PRKACB: variants seen among roughly 807,000 people sequenced by gnomAD.
PRKACB encodes cAMP-dependent protein kinase catalytic subunit beta.
Under a neutral mutation model 51.4 loss-of-function variants are expected in PRKACB, and 16 were observed. That is an observed-to-expected ratio of 0.31 (90% CI 0.21 to 0.47). PRKACB has a LOEUF of 0.47. PRKACB is among the 20% of genes least tolerant of loss of function. The pLI is 1.00. For synonymous variants in PRKACB, 147 were observed against 154.4 expected, an observed-to-expected ratio of 0.95 and a Z score of 0.35; for missense variants, 309 against 464.5, an observed-to-expected ratio of 0.67 and a Z score of 3.08.
intron 1 of PRKACB, among the ~76,000 whole-genome samples, chr1:84,161,897 AT>A (rs2100701792): frequency 6.6e-6 from 1 of 152,076 alleles, no homozygotes; most frequent in Non-Finnish European, 1.5e-5. Context: ...TTATTTATAT[AT>A]TTACCATTTT....
chr1:84,150,396 TCTGTTACAA>T (rs1484047554), intron 1 of PRKACB, among the ~76,000 whole-genome samples: 1 of 152,198 alleles, frequency 6.6e-6, no homozygotes, highest in Non-Finnish European at 1.5e-5. Context: ...TATACTTCCT[TCTGTTACAA>T]CTACCAGGGT....
At chr1:84,195,059 C>G (rs1211063523) in intron 5 of PRKACB, among the ~76,000 whole-genome samples, 1 of 152,124 alleles carries the variant, frequency 6.6e-6, no homozygotes. Flanking sequence ...TGTAAACGTG[C>G]ATTTTATGTT....
At chr1:84,105,379 T>C (rs1399367201) in intron 1 of PRKACB, among the ~76,000 whole-genome samples, 1 of 152,128 alleles carries the variant, frequency 6.6e-6, no homozygotes, top group African/African-American at 2.4e-5. Flanking sequence ...ACCACGACTT[T>C]TGACCTAGAG....
chr1:84,120,129 T>C (rs973088405), intron 1 of PRKACB, among the ~76,000 whole-genome samples: 7 of 152,102 alleles, frequency 4.6e-5, no homozygotes, highest in African/African-American at 1.7e-4. Context: ...GTTCAAGGGA[T>C]TAATTGTTAC....
At chr1:84,137,582 CA>C (rs1176580409) in intron 1 of PRKACB, among the ~76,000 whole-genome samples, 1 of 152,108 alleles carries the variant, frequency 6.6e-6, no homozygotes, top group African/African-American at 2.4e-5. Flanking sequence ...AACTGTAGTA[CA>C]AATGTATGAA....
chr1:84,086,000 T>C, intron 1 of PRKACB: 1 of 764,966 alleles, frequency 1.3e-6, no homozygotes, highest in South Asian at 1.5e-5. Flanking sequence ...CGCACAGTGG[T>C]GTGGACCCTG....
At chr1:84,159,240 T>C (rs947391536) in intron 1 of PRKACB, among the ~76,000 whole-genome samples, 1 of 152,142 alleles carries the variant, frequency 6.6e-6, no homozygotes, top group Non-Finnish European at 1.5e-5. Flanking sequence ...AGAATTGTTA[T>C]TTTAACAATT....
At chr1:84,229,234 A>G in intron 9 of PRKACB, among the ~76,000 whole-genome samples, 1 of 136,492 alleles carries the variant, frequency 7.3e-6, no homozygotes, top group Admixed American at 7.5e-5. Context: ...TTCCAATTTC[A>G]TCCATGTCCC....
intron 1 of PRKACB, among the ~76,000 whole-genome samples, chr1:84,158,019 G>A (rs1305655758): frequency 6.6e-6 from 1 of 152,012 alleles, no homozygotes; most frequent in South Asian, 2.1e-4. Context: ...TAAGGTAAGA[G>A]GGTTCCAGTT....
At chr1:84,165,866 A>C (rs1486007810) in intron 1 of PRKACB, among the ~76,000 whole-genome samples, 1 of 151,720 alleles carries the variant, frequency 6.6e-6, no homozygotes, top group African/African-American at 2.4e-5. Context: ...TGATTCAGAT[A>C]TTTTTAAGAG....
chr1:84,133,266 C>T (rs1003128665), intron 1 of PRKACB, among the ~76,000 whole-genome samples: 14 of 152,030 alleles, frequency 9.2e-5, no homozygotes, highest in African/African-American at 3.1e-4. Flanking sequence ...ACCAACTGAC[C>T]TATAATTATA....
chr1:84,152,398 C>T (rs1654955639), intron 1 of PRKACB, among the ~76,000 whole-genome samples: 1 of 152,170 alleles, frequency 6.6e-6, no homozygotes, highest in Admixed American at 6.6e-5. Flanking sequence ...GTCAGCCTGT[C>T]CTTTGAAGCT....
intron 1 of PRKACB, among the ~76,000 whole-genome samples, chr1:84,115,067 G>A (rs1401253782): frequency 1.3e-5 from 2 of 152,122 alleles, no homozygotes; most frequent in Non-Finnish European, 2.9e-5. Context: ...TGGGATTGCT[G>A]GATCATATGA....
intron 5 of PRKACB, among the ~76,000 whole-genome samples, chr1:84,196,257 GC>G (rs1668214769): frequency 6.6e-6 from 1 of 152,058 alleles, no homozygotes; most frequent in Non-Finnish European, 1.5e-5. Flanking sequence ...TATAGCAGTG[GC>G]CCCGATAGAC....
At chr1:84,180,637 C>G (rs1407338053) in intron 2 of PRKACB, among the ~76,000 whole-genome samples, 1 of 151,792 alleles carries the variant, frequency 6.6e-6, no homozygotes, top group African/African-American at 2.4e-5. Flanking sequence ...CTGCCTAGCT[C>G]AAAAGTTTTT....
intron 1 of PRKACB, among the ~76,000 whole-genome samples, chr1:84,102,206 TAAA>T (rs879554698): frequency 1.5e-5 from 2 of 134,896 alleles, no homozygotes; most frequent in Non-Finnish European, 1.6e-5. Context: ...CCATCTCTAC[TAAA>T]AAAAAAAAAA....
intron 1 of PRKACB, among the ~76,000 whole-genome samples, chr1:84,157,817 A>T (rs936716297): frequency 7.2e-5 from 11 of 152,172 alleles, no homozygotes; most frequent in African/African-American, 1.7e-4. Flanking sequence ...GCACATGAGA[A>T]TTGGTTTGTT....
intron 1 of PRKACB, among the ~76,000 whole-genome samples, chr1:84,078,720 C>A (rs1406636733): frequency 6.6e-6 from 1 of 152,188 alleles, no homozygotes; most frequent in Non-Finnish European, 1.5e-5. Context: ...TGCTTTCCCC[C>A]CTCGCCGACT....
At chr1:84,205,865 G>C (rs1315475428) in intron 8 of PRKACB, among the ~76,000 whole-genome samples, 2 of 152,042 alleles carry the variant, frequency 1.3e-5, no homozygotes, top group Non-Finnish European at 2.9e-5. Context: ...GTTAAGGTTT[G>C]AGTCTACAAA....
Sources: allele counts gnomAD v4.1 joint callset (sites outside exome capture counted in the v4.1 genomes callset), GRCh38; gene constraint gnomAD v4.1.1; transcripts MANE v1.5; gene names NCBI Gene and HGNC (gene_info 2026-07-23, HGNC 2026-07-21).